The following PLD5 variants were observed in gnomAD, a reference collection of about 807,000 sequenced individuals.
PLD5 encodes the protein inactive phospholipase D5.
Under a neutral mutation model 61.1 loss-of-function variants are expected in PLD5, and 36 were observed. The ratio of observed to expected loss-of-function variants is 0.59; its 90% CI spans 0.45 to 0.78. PLD5 has a LOEUF of 0.78. Ranked by LOEUF, PLD5 falls within the 30% of genes least tolerant of loss-of-function variation. The pLI is 0.00. For missense variants in PLD5, 515 were observed against 644.4 expected (o/e 0.80, Z 2.17); for synonymous variants, 243 against 242.8 (o/e 1.00, Z -0.01).
intron 5 of PLD5, among the ~76,000 whole-genome samples, chr1:242,185,542 G>T (rs1427603982): frequency 2.6e-5 from 4 of 152,102 alleles, no homozygotes; most frequent in Non-Finnish European, 5.9e-5. Context: ...TTACTTTCAG[G>T]TAAGACAAGA....
chr1:242,427,929 A>G (rs1332816922), intron 1 of PLD5, among the ~76,000 whole-genome samples: 5 of 152,204 alleles, frequency 3.3e-5, no homozygotes, highest in African/African-American at 1.2e-4. Flanking sequence ...TAGCAAAAAT[A>G]TGAGCTGTAG....
At chr1:242,434,056 G>C (rs1345555697) in intron 1 of PLD5, among the ~76,000 whole-genome samples, 1 of 152,220 alleles carries the variant, frequency 6.6e-6, no homozygotes, top group African/African-American at 2.4e-5. Flanking sequence ...GAGTGGAGGA[G>C]GGATCTACAA....
At chr1:242,095,000 A>G (rs945928884) in intron 9 of PLD5, among the ~76,000 whole-genome samples, 1 of 150,916 alleles carries the variant, frequency 6.6e-6, no homozygotes, top group African/African-American at 2.4e-5. Context: ...GTGCAGTGGC[A>G]ATCTCGGCTC....
At chr1:242,192,217 C>T (rs1240509196) in intron 5 of PLD5, 1 of 152,356 alleles carries the variant, frequency 6.6e-6, no homozygotes, top group Admixed American at 6.5e-5. Context: ...TTTGGGACAC[C>T]ACCAACCATC....
chr1:242,441,319 T>C (rs993002541), intron 1 of PLD5, among the ~76,000 whole-genome samples: 1 of 152,078 alleles, frequency 6.6e-6, no homozygotes, highest in African/African-American at 2.4e-5. Flanking sequence ...ATGGTATGTT[T>C]TTAGTAGGTG....
chr1:242,522,033 A>G (rs1000419247), intron 1 of PLD5, among the ~76,000 whole-genome samples: 1 of 152,236 alleles, frequency 6.6e-6, no homozygotes, highest in Non-Finnish European at 1.5e-5. Context: ...TTAATTCATT[A>G]AAAATGTTCG....
At chr1:242,400,608 C>A (rs186937441) in intron 1 of PLD5, among the ~76,000 whole-genome samples, 3 of 152,220 alleles carry the variant, frequency 2.0e-5, no homozygotes, top group African/African-American at 7.2e-5. Flanking sequence ...ACATTGAAAG[C>A]TATTATCATT....
intron 1 of PLD5, among the ~76,000 whole-genome samples, chr1:242,512,431 AAAT>A (rs1668955766): frequency 1.4e-5 from 2 of 146,082 alleles, no homozygotes; most frequent in African/African-American, 2.5e-5. Context: ...AAAAAAAAAA[AAAT>A]AGTATTTTGG....
At chr1:242,232,217 A>C (rs1298039629) in intron 4 of PLD5, among the ~76,000 whole-genome samples, 1 of 152,228 alleles carries the variant, frequency 6.6e-6, no homozygotes, top group Non-Finnish European at 1.5e-5. Flanking sequence ...GATTTTAAAC[A>C]CTTTCAGAGA....
At chr1:242,307,126 G>T (rs531640206) in intron 2 of PLD5, among the ~76,000 whole-genome samples, 10 of 152,180 alleles carry the variant, frequency 6.6e-5, no homozygotes, top group Non-Finnish European at 1.2e-4. Flanking sequence ...AGAATATTAA[G>T]TTGGATTCTC....
In PLD5 at chr1:242,223,813, T is replaced by C. The variant is rs563386780; in HGVS notation, c.608-3698A>G. Among the ~76,000 whole-genome samples, 337 of 151,968 alleles carry C rather than the reference T, an allele frequency of 2.2e-3. 2 individuals carry two copies. The highest frequency in any genetic ancestry group is 0.016 in the Admixed American group (248 of 15,232). On this transcript the variant is annotated intron_variant, in intron 4 of 9. Transcript: ENST00000536534. ...TGCTCCATCTATCTCTGAAGACATA[T>C]GCTTTTATCTTTATTAATAGCTGTA... is the stretch of plus-strand genomic sequence containing the variant.
rs1488240302 is a variant in PLD5, at chr1:242,308,994, A to AAAAAGATG, written c.327-20472_327-20465dup. Among the ~76,000 whole-genome samples the AAAAAGATG allele has an allele frequency of 1.8e-4, 28 of 152,242 alleles. No homozygotes were observed. The East Asian group carries it at 4.2e-3, about 23-fold the overall frequency. Reference sequence around the variant, plus strand: ...GTAAGGGGGAGAAAGTGGAGCGGGGAAAAAGATGAGAAGATGGCCTAAGGC... The same window carrying AAAAAGATG: ...GTAAGGGGGAGAAAGTGGAGCGGGGAAAAAGATGAAAAGATGAGAAGATGGCCTAAGGC... On this transcript the variant is annotated intron_variant, in intron 2 of 9. Coordinates refer to ENST00000536534, the MANE Select transcript of PLD5 (RefSeq NM_001372062.1).
At chr1:242,491,577 A>G (rs770605617) in intron 1 of PLD5, among the ~76,000 whole-genome samples, 1 of 152,244 alleles carries the variant, frequency 6.6e-6, no homozygotes, top group Non-Finnish European at 1.5e-5. Flanking sequence ...AAATATTTAA[A>G]TCATATCATG....
At chr1:242,172,701 C>A (rs1198615124) in intron 5 of PLD5, among the ~76,000 whole-genome samples, 6 of 151,860 alleles carry the variant, frequency 4.0e-5, no homozygotes, top group Admixed American at 3.9e-4. Flanking sequence ...GGGATATTAC[C>A]ACAGATCCCA....
chr1:242,371,522 C>G (rs907840765), intron 1 of PLD5, among the ~76,000 whole-genome samples: 1 of 151,920 alleles, frequency 6.6e-6, no homozygotes, highest in Non-Finnish European at 1.5e-5. Context: ...ATCCCTTATC[C>G]CCCTCCTTCT....
At chr1:242,136,015 C>A (rs925998435) in intron 5 of PLD5, among the ~76,000 whole-genome samples, 2 of 151,836 alleles carry the variant, frequency 1.3e-5, no homozygotes, top group Non-Finnish European at 2.9e-5. Flanking sequence ...GGTGGGAGGG[C>A]GAGGGAGGAA....
chr1:242,105,482 C>A (rs1660978811), intron 8 of PLD5, among the ~76,000 whole-genome samples: 1 of 152,276 alleles, frequency 6.6e-6, no homozygotes, highest in African/African-American at 2.4e-5. Flanking sequence ...CCTTGGCCTC[C>A]CAAAGTGCTG....
rs546544666 is a variant in PLD5, at chr1:242,489,946, G to A, written c.189+34142C>T. 2.0e-5 allele frequency among the ~76,000 whole-genome samples: 3 copies of A among 152,316 alleles called. No homozygotes were observed. In the East Asian group the frequency reaches 5.8e-4, roughly 29 times the overall value. Reference sequence around the variant, plus strand: ...GAAATTGTAAGATTGAAAGGATGAAGCTTCTTTGTCACCAGATTCTTGACT... The same window carrying A: ...GAAATTGTAAGATTGAAAGGATGAAACTTCTTTGTCACCAGATTCTTGACT... On this transcript the variant is annotated intron_variant, in intron 1 of 9. Transcript: ENST00000536534.
chr1:242,168,473 T>A (rs1039758491), intron 5 of PLD5, among the ~76,000 whole-genome samples: 1 of 152,188 alleles, frequency 6.6e-6, no homozygotes, highest in African/African-American at 2.4e-5. Flanking sequence ...AGAATATATA[T>A]AATAATTCCT....
Sources: allele counts gnomAD v4.1 joint callset (sites outside exome capture counted in the v4.1 genomes callset), GRCh38; gene constraint gnomAD v4.1.1; transcripts MANE v1.5; gene names NCBI Gene and HGNC (gene_info 2026-07-23, HGNC 2026-07-21).